The following SF3B2 variants were observed in gnomAD, a reference collection of about 807,000 sequenced individuals.
SF3B2 encodes SAP 145.
SF3B2 carries 22 observed loss-of-function variants against 116.3 expected under a neutral mutation model. The observed-to-expected ratio is 0.19, with a 90% CI of 0.14 to 0.27. The LOEUF (loss-of-function observed/expected upper bound fraction) is 0.27, where lower values mean the gene tolerates loss of function less well. Ranked by LOEUF, SF3B2 falls within the 10% of genes least tolerant of loss-of-function variation. The pLI is 1.00. For missense variants in SF3B2, 767 were observed against 1,151.4 expected, an observed-to-expected ratio of 0.67 and a Z score of 4.83; for synonymous variants, 406 against 421.6, an observed-to-expected ratio of 0.96 and a Z score of 0.45.
At chr11:66,065,368 A>G (rs754923686) in intron 19 of SF3B2, 1 of 152,336 alleles carries the variant, frequency 6.6e-6, no homozygotes, top group Admixed American at 6.5e-5. Flanking sequence ...TCCTGTGTAC[A>G]TAATGTGTCA....
chr11:66,062,476 T>G (rs1212276), intron 16 of SF3B2, among the ~76,000 whole-genome samples: 1 of 138,224 alleles, frequency 7.2e-6, no homozygotes, highest in African/African-American at 2.7e-5. Flanking sequence ...ACCTCTACTT[T>G]AAAAAAAAAA....
chr11:66,053,152 G>A (rs751244031), intron 3 of SF3B2, 48 bp downstream of exon 3: 8 of 1,547,632 alleles, frequency 5.2e-6, no homozygotes, highest in Middle Eastern at 2.1e-4. Flanking sequence ...TGATCCTTTT[G>A]TAGTTCATGA....
chr11:66,054,939 G>A (rs1856964802), intron 3 of SF3B2, 137 bp from the exon 4 acceptor site: 3 of 782,342 alleles, frequency 3.8e-6, no homozygotes, highest in Non-Finnish European at 5.9e-6. Flanking sequence ...GAGCTGTGGA[G>A]CATTCTCTCT....
intron 19 of SF3B2, chr11:66,065,873 G>GTTATT (rs920621082): frequency 2.6e-5 from 4 of 151,992 alleles, no homozygotes; most frequent in African/African-American, 4.8e-5. Flanking sequence ...TTATTTTTAT[G>GTTATT]TTATTTTATT....
intron 19 of SF3B2, chr11:66,066,926 A>C (rs990175049): frequency 6.3e-6 from 1 of 158,522 alleles, no homozygotes; most frequent in Non-Finnish European, 1.4e-5. Flanking sequence ...CTCCCAACTC[A>C]CGGAGTCCTC....
In SF3B2 at chr11:66,056,938, C is replaced by T. The variant is rs1257891074; in HGVS notation, c.650C>T (p.Thr217Ile). 11 of 1,613,778 alleles carry T rather than the reference C, an allele frequency of 6.8e-6. No individual in the cohort carries two copies. Among genetic ancestry groups the T allele is most frequent in the Non-Finnish European group, 9.3e-6 (11 of 1,179,650 alleles). The stretch of plus-strand genomic sequence containing the variant: ...GACATGGGCCAGATTGGTGTGCGCA[C>T]TCCTCTGGGTCCTCGAGGTGAGACC... Reference protein sequence around the residue: ...PQDMGQIGVRTPLGPRVAAPV... With the variant: ...PQDMGQIGVRIPLGPRVAAPV... Residue 217 changes from threonine (T) to isoleucine (I), a missense_variant, in exon 6 of 22, where the codon ACT becomes ATT. Physicochemically the swap from Thr to Ile is moderately conservative, Grantham distance 89. Coordinates refer to ENST00000322535, the MANE Select transcript of SF3B2 (RefSeq NM_006842.3).
rs1857010231 is a variant in SF3B2 at position 66,057,007 on chromosome 11, TAA to T, written c.667+56_667+57del. 7.5e-6 allele frequency: 10 copies of T among 1,335,842 alleles called. No homozygotes were observed. The East Asian group carries it at 2.3e-4, about 31-fold the overall frequency. The allele number at this position is 1,335,842 out of a possible 1,614,324, so 82.7% of individuals were successfully genotyped here. A position where few individuals can be genotyped will look rare whatever the true frequency, so the allele number is the denominator to read the frequency against. On this transcript the variant is annotated intron_variant, in intron 6 of 21. Coordinates refer to ENST00000322535, the MANE Select transcript of SF3B2 (RefSeq NM_006842.3). ...GCAAGGAAGGTGATTTAGACATTTT[TAA>T]AAAGACTTTTAAGGTATCTATCACA...
chr11:66,053,010 T>G lies in SF3B2; in HGVS notation c.181-17T>G. ...CAGCTAGTTTTGGACTGACCTAGAG[T>G]CCTTTCTCTTTTGCAGACTGGCATC... On this transcript the variant is annotated splice_polypyrimidine_tract_variant and intron_variant, in intron 2 of 21. Transcript: ENST00000322535. The G allele has an allele frequency of 6.2e-7, 1 of 1,613,550 alleles. No homozygotes were observed. The highest frequency in any genetic ancestry group is 8.5e-7 in the Non-Finnish European group (1 of 1,179,532).
intron 14 of SF3B2, 144 bp downstream of exon 14, chr11:66,060,875 C>A: frequency 1.2e-6 from 1 of 855,116 alleles, no homozygotes; most frequent in Non-Finnish European, 1.8e-6. Context: ...TCTCGGCTCA[C>A]TGTAACCTCT....
chr11:66,067,964 C>T lies in SF3B2; in HGVS notation c.2349C>T (p.Leu783=). The change falls in exon 20 of 22, where the codon CTC becomes CTT. Residue 783 remains leucine, a synonymous_variant. Coordinates refer to ENST00000322535, the MANE Select transcript of SF3B2 (RefSeq NM_006842.3). The stretch of plus-strand genomic sequence containing the variant: ...TTCGCAGAAGTGAGACACCTCAGCT[C>T]TTCACTGTGTTGCCAGAGAAGAGAA... ...EAMDGSETPQ[L]FTVLPEKRTA... The T allele has an allele frequency of 1.9e-6, 3 of 1,614,176 alleles. No individual in the cohort carries two copies. The highest frequency in any genetic ancestry group is 2.5e-6 in the Non-Finnish European group (3 of 1,180,028).
chr11:66,057,331 C>T lies in SF3B2; in HGVS notation c.733C>T (p.Arg245Trp), dbSNP rs747635710. Residue 245 changes from arginine (R) to tryptophan (W), a missense_variant, in exon 7 of 22, where the codon CGG becomes TGG. This residue lies in a region of SF3B2 where 455 missense variants were observed against 537.5 expected (regional missense o/e 0.85). Transcript: ENST00000322535. ...TVLPMGAPVP[R>W]PRGPPPPPGD... is the part of the protein sequence containing the mutation. ...TTTGCCCATGGGAGCCCCTGTTCCC[C>T]GGCCTCGTGGTCCCCCACCGCCCCC... 7.5e-6 allele frequency: 12 copies of T among 1,601,576 alleles called. No homozygotes were observed. Among genetic ancestry groups the T allele is most frequent in the Admixed American group, 6.7e-5 (4 of 60,010 alleles).
Position 66,056,927 on chromosome 11 carries a change from T to C in SF3B2, c.639T>C (p.Ile213=). ...GGCCCCCACAAGACATGGGCCAGATTGGTGTGCGCACTCCTCTGGGTCCTC... is the reference window on the plus strand; with the variant it reads ...GGCCCCCACAAGACATGGGCCAGATCGGTGTGCGCACTCCTCTGGGTCCTC... ...VPRPPQDMGQ[I]GVRTPLGPRV... Residue 213 remains isoleucine, a synonymous_variant, in exon 6 of 22, where the codon ATT becomes ATC. Coordinates refer to ENST00000322535, the MANE Select transcript of SF3B2 (RefSeq NM_006842.3). 5 of 1,614,044 alleles carry C rather than the reference T, an allele frequency of 3.1e-6. No homozygotes were observed. Among genetic ancestry groups the C allele is most frequent in the Non-Finnish European group, 3.4e-6 (4 of 1,179,924 alleles).
chr11:66,063,014 T>C lies in SF3B2; in HGVS notation c.1983T>C (p.Cys661=), dbSNP rs1184956707. Reference sequence around the variant, plus strand: ...TTGTGCTCACTGTCTTGCAGAGCTGTTCCTTTGGGTACCATGCTGGTGGCT... The same window carrying C: ...TTGTGCTCACTGTCTTGCAGAGCTGCTCCTTTGGGTACCATGCTGGTGGCT... ...PGLNSPIPES[C]SFGYHAGGWG... Residue 661 remains cysteine, a synonymous_variant, in exon 17 of 22, where the codon TGT becomes TGC. Coordinates refer to ENST00000322535, the MANE Select transcript of SF3B2 (RefSeq NM_006842.3). The C allele has an allele frequency of 1.2e-6, 2 of 1,612,900 alleles. No individual in the cohort carries two copies. The highest frequency in any genetic ancestry group is 1.7e-6 in the Non-Finnish European group (2 of 1,179,206).
intron 21 of SF3B2, 125 bp downstream of exon 21, chr11:66,068,458 T>C: frequency 9.2e-7 from 1 of 1,083,972 alleles, no homozygotes; most frequent in Non-Finnish European, 1.3e-6. Context: ...TGTGCTTCCT[T>C]AGATTTGGAA....
chr11:66,063,316 C>G, intron 17 of SF3B2, 84 bp from the exon 18 acceptor site: 1 of 1,368,624 alleles, frequency 7.3e-7, no homozygotes, highest in Non-Finnish European at 1.0e-6. Flanking sequence ...TGTTTTGACT[C>G]TTACACCCCT....
intron 13 of SF3B2, 144 bp from the exon 14 acceptor site, chr11:66,060,437 GA>G: frequency 3.3e-6 from 3 of 919,402 alleles, no homozygotes; most frequent in Non-Finnish European, 3.3e-6. Flanking sequence ...ATGTAATTTT[GA>G]AAGGTTTTAG....
chr11:66,060,381 A>G (rs1258607940), intron 13 of SF3B2, among the ~76,000 whole-genome samples: 2 of 152,166 alleles, frequency 1.3e-5, no homozygotes, highest in East Asian at 3.8e-4. Flanking sequence ...ATTGATATAC[A>G]CGGCTGAGGC....
chr11:66,063,697 G>C lies in SF3B2; in HGVS notation c.2298G>C (p.Leu766=). The part of the protein sequence containing the change: ...AGMETPELIE[L]RKKKIEEAMD... ...TGGAGACCCCTGAACTCATTGAGCTGAGGAAGAAGAAGATTGAGGAGGCGA... is the reference window on the plus strand; with the variant it reads ...TGGAGACCCCTGAACTCATTGAGCTCAGGAAGAAGAAGATTGAGGAGGCGA... The change falls in exon 19 of 22, where the codon CTG becomes CTC. Residue 766 remains leucine (L), a synonymous_variant. Coordinates refer to ENST00000322535, the MANE Select transcript of SF3B2 (RefSeq NM_006842.3). 6.2e-7 allele frequency: 1 copy of C among 1,613,316 alleles called. No homozygotes were observed. Among genetic ancestry groups the C allele is most frequent in the South Asian group, 1.1e-5 (1 of 90,870 alleles).
chr11:66,056,908 C>G lies in SF3B2; in HGVS notation c.620C>G (p.Pro207Arg). ...AKMGTPVPRP[P>R]QDMGQIGVRT... ...ATGGGCACCCCAGTCCCTCGGCCCC[C>G]ACAAGACATGGGCCAGATTGGTGTG... The change falls in exon 6 of 22, where the codon CCA becomes CGA. Residue 207 changes from proline (P) to arginine (R), a missense_variant. Physicochemically the swap from Pro to Arg is moderately radical, Grantham distance 103. Transcript: ENST00000322535. The G allele has an allele frequency of 6.2e-7, 1 of 1,614,176 alleles. No individual in the cohort carries two copies. The highest frequency in any genetic ancestry group is 8.5e-7 in the Non-Finnish European group (1 of 1,180,022).
Sources: gnomAD v4.1 joint callset for allele counts (sites outside exome capture counted in the v4.1 genomes callset) on GRCh38, gnomAD v4.1.1 for gene constraint, gnomAD v4.1.1 regional missense constraint, MANE v1.5 for transcripts, NCBI Gene and HGNC (gene_info 2026-07-23, HGNC 2026-07-21) for gene names.